The following AFF3 variants were observed in gnomAD, a reference collection of about 807,000 sequenced individuals.
AFF3 encodes the protein AF4/FMR2 family member 3.
In AFF3, 32 loss-of-function variants were observed where a neutral mutation model predicts 129.7. The ratio of observed to expected loss-of-function variants is 0.25; its 90% CI spans 0.19 to 0.33. AFF3 has a LOEUF of 0.33. AFF3 is among the 10% of genes least tolerant of loss of function. The pLI, the probability that AFF3 is intolerant of heterozygous loss-of-function variation, is 1.00. For synonymous variants in AFF3, 644 were observed against 635.4 expected (o/e 1.01, Z -0.20); for missense variants, 1,373 against 1,592.0 (o/e 0.86, Z 2.34).
intron 14 of AFF3, among the ~76,000 whole-genome samples, chr2:99,595,389 C>T (rs958148606): frequency 1.3e-5 from 2 of 152,122 alleles, no homozygotes; most frequent in South Asian, 4.1e-4. Context: ...TGGCCTTCCA[C>T]CTTTCGAATT....
chr2:99,708,725 G>C (rs1178515937), intron 11 of AFF3, among the ~76,000 whole-genome samples: 1 of 152,064 alleles, frequency 6.6e-6, no homozygotes, highest in Non-Finnish European at 1.5e-5. Context: ...CATTTTGAAA[G>C]GGCAGATAAA....
intron 9 of AFF3, among the ~76,000 whole-genome samples, chr2:99,750,178 T>C (rs146376316): frequency 1.0e-3 from 156 of 152,244 alleles, no homozygotes; most frequent in African/African-American, 3.4e-3. Flanking sequence ...ATATAATAGA[T>C]AAATGAATAA....
chr2:99,801,111 T>G (rs1685910796), intron 8 of AFF3, among the ~76,000 whole-genome samples: 1 of 152,208 alleles, frequency 6.6e-6, no homozygotes, highest in Admixed American at 6.5e-5. Flanking sequence ...CTTACCAAAT[T>G]ATCTAAATAT....
chr2:100,048,497 T>C (rs1368998894), intron 4 of AFF3, among the ~76,000 whole-genome samples: 2 of 152,248 alleles, frequency 1.3e-5, no homozygotes, highest in African/African-American at 2.4e-5. Flanking sequence ...TTACATGTAA[T>C]GTACTATGGA....
intron 4 of AFF3, among the ~76,000 whole-genome samples, chr2:100,067,315 A>C (rs549697705): frequency 6.6e-6 from 1 of 152,180 alleles, no homozygotes; most frequent in African/African-American, 2.4e-5. Flanking sequence ...GAGCAGGATA[A>C]TCTACAAGGG....
intron 7 of AFF3, among the ~76,000 whole-genome samples, chr2:99,840,816 C>T (rs980675859): frequency 2.6e-5 from 4 of 152,108 alleles, no homozygotes; most frequent in Admixed American, 6.5e-5. Context: ...TCAGTCGGGC[C>T]GGGGGGCTTG....
chr2:99,926,653 A>G (rs1696261479), intron 7 of AFF3, among the ~76,000 whole-genome samples: 1 of 151,922 alleles, frequency 6.6e-6, no homozygotes, highest in Non-Finnish European at 1.5e-5. Flanking sequence ...CTGTGGAACA[A>G]GCAAAGTGCT....
chr2:100,112,292 G>A (rs1691542228), intron 2 of AFF3: 1 of 152,180 alleles, frequency 6.6e-6, no homozygotes, highest in South Asian at 2.1e-4. Context: ...TTGGAAGAAG[G>A]GAGCTTCATA....
At chr2:99,789,204 T>A (rs1685020337) in intron 8 of AFF3, among the ~76,000 whole-genome samples, 1 of 151,902 alleles carries the variant, frequency 6.6e-6, no homozygotes, top group South Asian at 2.1e-4. Flanking sequence ...GGAGGCCAAG[T>A]TGGGAGGACT....
At chr2:100,010,140 G>A (rs1211481417) in intron 4 of AFF3, among the ~76,000 whole-genome samples, 1 of 152,196 alleles carries the variant, frequency 6.6e-6, no homozygotes, top group Non-Finnish European at 1.5e-5. Context: ...AGGCTTAAAT[G>A]TGAAGGTAAT....
intron 8 of AFF3, among the ~76,000 whole-genome samples, chr2:99,791,849 C>G (rs1685216351): frequency 2.1e-5 from 3 of 143,866 alleles, no homozygotes. Context: ...TTTAATTTTG[C>G]TGTTTAAAAT....
intron 4 of AFF3, among the ~76,000 whole-genome samples, chr2:100,052,122 C>T (rs1686385983): frequency 6.6e-6 from 1 of 152,186 alleles, no homozygotes; most frequent in Non-Finnish European, 1.5e-5. Context: ...TTCCTTCCCT[C>T]ACTGATGTGC....
chr2:99,858,543 C>T (rs1690705939), intron 7 of AFF3, among the ~76,000 whole-genome samples: 4 of 152,062 alleles, frequency 2.6e-5, no homozygotes, highest in South Asian at 4.1e-4. Flanking sequence ...AGAGTGAGAC[C>T]TTGTCTTAAG....
At chr2:99,555,233 T>C (rs1250184264) in intron 22 of AFF3, among the ~76,000 whole-genome samples, 1 of 152,170 alleles carries the variant, frequency 6.6e-6, no homozygotes, top group African/African-American at 2.4e-5. Context: ...TGTAAATTAA[T>C]TTTTCTTAAA....
chr2:100,108,527 C>G (rs550736110), intron 2 of AFF3, among the ~76,000 whole-genome samples: 12 of 152,238 alleles, frequency 7.9e-5, no homozygotes, highest in South Asian at 2.1e-4. Flanking sequence ...GCCCCTCCCC[C>G]CAGCCTGTCC....
rs185554801 is a variant in AFF3, at chr2:100,141,603, G to T, written c.-228+881C>A. On this transcript the variant is annotated intron_variant, in intron 1 of 24. Coordinates refer to ENST00000672756, the MANE Select transcript of AFF3 (RefSeq NM_001386135.1). ...ACACTTGACCTTTAGCTACCTGAAT[G>T]ATCCCCTCTTTGAATAAAAGGAATT... 1.1e-3 allele frequency among the ~76,000 whole-genome samples: 163 copies of T among 152,278 alleles called. 1 individual carries two copies. Among genetic ancestry groups the T allele is most frequent in the East Asian group, 6.0e-3 (31 of 5,184 alleles).
At chr2:99,767,659 G>C (rs922347791) in intron 8 of AFF3, among the ~76,000 whole-genome samples, 2 of 152,206 alleles carry the variant, frequency 1.3e-5, no homozygotes, top group African/African-American at 4.8e-5. Context: ...ATCACCATCA[G>C]TGAAATGGTG....
chr2:99,831,364 C>T (rs1001594014), intron 8 of AFF3, among the ~76,000 whole-genome samples: 23 of 151,982 alleles, frequency 1.5e-4, no homozygotes, highest in African/African-American at 5.3e-4. Context: ...AGTATGGGAA[C>T]AAGAAAGAAA....
chr2:100,136,614 A>T (rs1439078881), intron 1 of AFF3, among the ~76,000 whole-genome samples: 1 of 152,120 alleles, frequency 6.6e-6, no homozygotes, highest in Non-Finnish European at 1.5e-5. Context: ...TGATCTGTTT[A>T]TCCATTTGGA....
Sources: gnomAD v4.1 joint callset for allele counts (sites outside exome capture counted in the v4.1 genomes callset) on GRCh38, gnomAD v4.1.1 for gene constraint, MANE v1.5 for transcripts, NCBI Gene and HGNC (gene_info 2026-07-23, HGNC 2026-07-21) for gene names.